PEPD: variants seen among roughly 807,000 people sequenced by gnomAD.
The protein encoded by PEPD is peptidase D.
Under a neutral mutation model 60.7 loss-of-function variants are expected in PEPD, and 53 were observed. The ratio of observed to expected loss-of-function variants is 0.87; its 90% CI spans 0.70 to 1.10. The LOEUF (loss-of-function observed/expected upper bound fraction) is 1.10. PEPD is among the 50% of genes least tolerant of loss of function. The pLI is 0.00. For synonymous variants in PEPD, 267 were observed against 284.1 expected (o/e 0.94, Z 0.60); for missense variants, 711 against 711.9 (o/e 1.00, Z 0.01).
intron 11 of PEPD, 30 bp from the exon 12 acceptor site, chr19:33,401,899 G>A (rs1255128275): frequency 6.2e-7 from 1 of 1,609,712 alleles, no homozygotes; most frequent in Admixed American, 1.7e-5. Flanking sequence ...GGGCAAGTGG[G>A]TACTGGGGTG....
intron 4 of PEPD, among the ~76,000 whole-genome samples, chr19:33,494,817 C>A (rs990655968): frequency 6.6e-6 from 1 of 152,212 alleles, no homozygotes; most frequent in Non-Finnish European, 1.5e-5. Flanking sequence ...AGATTTGAAC[C>A]TATGGCTGTA....
rs1483412943 is a variant in PEPD at position 33,472,043 on chromosome 19, C to A, written c.548+6003G>T. Among the ~76,000 whole-genome samples, 6 of 152,246 alleles carry A rather than the reference C, an allele frequency of 3.9e-5. No homozygotes were observed. In the East Asian group the frequency reaches 7.7e-4, roughly 20 times the overall value. On this transcript the variant is annotated intron_variant, in intron 7 of 14. Transcript: ENST00000244137. ...GGGCATGGTGGCACATGCCTGTAAT[C>A]CCAGCTACTCGGGAGGCTGAGGCAG...
intron 9 of PEPD, among the ~76,000 whole-genome samples, chr19:33,433,464 A>G (rs1181552549): frequency 6.6e-6 from 1 of 152,254 alleles, no homozygotes; most frequent in African/African-American, 2.4e-5. Context: ...ATAACCATAT[A>G]TTAATTTTAC....
chr19:33,390,556 A>G (rs1968192201), intron 13 of PEPD, among the ~76,000 whole-genome samples: 1 of 152,124 alleles, frequency 6.6e-6, no homozygotes, highest in Non-Finnish European at 1.5e-5. Context: ...GCACGATTGC[A>G]CAATCAGCCC....
At chr19:33,445,170 C>A (rs1969569472) in intron 9 of PEPD, among the ~76,000 whole-genome samples, 1 of 152,200 alleles carries the variant, frequency 6.6e-6, no homozygotes, top group Admixed American at 6.5e-5. Context: ...TAACTACACA[C>A]ATGCAGAGGG....
intron 9 of PEPD, among the ~76,000 whole-genome samples, chr19:33,454,070 G>C (rs568435057): frequency 6.7e-4 from 102 of 152,240 alleles, no homozygotes; most frequent in Admixed American, 6.7e-3. Flanking sequence ...AAAGGAACCG[G>C]GCTCCTTAGT....
intron 3 of PEPD, 93 bp from the exon 4 acceptor site, chr19:33,501,094 C>T (rs556026789): frequency 1.2e-6 from 1 of 805,662 alleles, no homozygotes; most frequent in African/African-American, 1.7e-5. Flanking sequence ...CCATGGAGCC[C>T]CAGTCCCATC....
At chr19:33,415,806 G>A (rs1358598393) in intron 9 of PEPD, among the ~76,000 whole-genome samples, 1 of 152,232 alleles carries the variant, frequency 6.6e-6, no homozygotes, top group Non-Finnish European at 1.5e-5. Flanking sequence ...ATAGGAAGGA[G>A]TTGAAAAGAG....
At chr19:33,472,751 T>C (rs1188439143) in intron 7 of PEPD, among the ~76,000 whole-genome samples, 2 of 152,120 alleles carry the variant, frequency 1.3e-5, no homozygotes, top group Admixed American at 1.3e-4. Context: ...TGGCACCGTG[T>C]TGAACAAAAC....
intron 9 of PEPD, among the ~76,000 whole-genome samples, chr19:33,433,909 C>T (rs992208782): frequency 2.0e-5 from 3 of 152,160 alleles, no homozygotes; most frequent in African/African-American, 7.2e-5. Context: ...TGTGTGCAAG[C>T]CTATTTATCA....
intron 9 of PEPD, among the ~76,000 whole-genome samples, chr19:33,443,893 A>G (rs1305011675): frequency 6.6e-6 from 1 of 151,804 alleles, no homozygotes; most frequent in East Asian, 1.9e-4. Context: ...ACACACACAC[A>G]GTATCCTCAG....
intron 7 of PEPD, among the ~76,000 whole-genome samples, chr19:33,470,171 C>G (rs531356889): frequency 1.6e-3 from 244 of 152,278 alleles, no homozygotes; most frequent in African/African-American, 5.4e-3. Context: ...CAGGCCCCCC[C>G]ATTTCTCTCT....
At chr19:33,513,341 C>T (rs1330839866) in intron 1 of PEPD, among the ~76,000 whole-genome samples, 1 of 152,158 alleles carries the variant, frequency 6.6e-6, no homozygotes, top group African/African-American at 2.4e-5. Flanking sequence ...TGTCCAGCTC[C>T]AGACTCACAG....
intron 4 of PEPD, among the ~76,000 whole-genome samples, chr19:33,496,228 G>A (rs1223323979): frequency 1.3e-5 from 2 of 152,178 alleles, no homozygotes; most frequent in Non-Finnish European, 2.9e-5. Flanking sequence ...TTGGGAGGGA[G>A]GAGCAGGATA....
chr19:33,506,323 T>TAC (rs1202808996), intron 3 of PEPD, among the ~76,000 whole-genome samples: 2 of 105,008 alleles, frequency 1.9e-5, no homozygotes, highest in African/African-American at 7.6e-5. Context: ...CCCTACACAC[T>TAC]ACACACACAC....
At chr19:33,433,737 G>A (rs139416374) in intron 9 of PEPD, among the ~76,000 whole-genome samples, 3 of 152,166 alleles carry the variant, frequency 2.0e-5, no homozygotes, top group Non-Finnish European at 2.9e-5. Flanking sequence ...TCGGCCAACC[G>A]AATAATTCTG....
intron 9 of PEPD, among the ~76,000 whole-genome samples, chr19:33,416,296 C>CT (rs770726216): frequency 1.3e-5 from 2 of 152,204 alleles, no homozygotes; most frequent in Non-Finnish European, 2.9e-5. Context: ...AGCATCACAA[C>CT]TCCTCCAAGT....
intron 9 of PEPD, among the ~76,000 whole-genome samples, chr19:33,457,823 T>C (rs553037438): frequency 1.3e-5 from 2 of 151,940 alleles, no homozygotes; most frequent in Admixed American, 1.3e-4. Context: ...AACCAGTTTC[T>C]AGTCTTAAAA....
intron 9 of PEPD, among the ~76,000 whole-genome samples, chr19:33,440,576 C>A (rs2145409425): frequency 6.6e-6 from 1 of 152,242 alleles, no homozygotes; most frequent in South Asian, 2.1e-4. Context: ...TTCCCTGACA[C>A]CCCAGAGCTC....
Sources: gnomAD v4.1 joint callset for allele counts (sites outside exome capture counted in the v4.1 genomes callset) on GRCh38, gnomAD v4.1.1 for gene constraint, MANE v1.5 for transcripts, NCBI Gene and HGNC (gene_info 2026-07-23, HGNC 2026-07-21) for gene names.